Variants in ADGRL1 observed in about 807,000 individuals in gnomAD.
ADGRL1 encodes CIRL-1.
Under a neutral mutation model 148.9 loss-of-function variants are expected in ADGRL1, and 31 were observed. The ratio of observed to expected loss-of-function variants is 0.21; its 90% CI spans 0.16 to 0.28. The LOEUF (loss-of-function observed/expected upper bound fraction) is 0.28. Ranked by LOEUF, ADGRL1 falls within the 10% of genes least tolerant of loss-of-function variation. The pLI, the probability that ADGRL1 is intolerant of heterozygous loss-of-function variation, is 1.00. For missense variants in ADGRL1, 1,521 were observed against 2,058.8 expected (o/e 0.74, Z 5.05); for synonymous variants, 937 against 900.3 (o/e 1.04, Z -0.73).
chr19:14,160,370 G>A lies in ADGRL1; in HGVS notation c.1615-73C>T. The A allele has an allele frequency of 1.4e-6, 2 of 1,387,562 alleles. No homozygotes were observed. Among genetic ancestry groups the A allele is most frequent in the Non-Finnish European group, 2.0e-6 (2 of 1,013,452 alleles). 86.0% of individuals were successfully genotyped at this position (1,387,562 alleles called of 1,614,324 possible). A position where few individuals can be genotyped will look rare whatever the true frequency, so the allele number is the denominator to read the frequency against. On this transcript the variant is annotated intron_variant, in intron 7 of 22. Transcript: ENST00000361434. This position sits in a 1 kb window ranked among gnomAD's most constrained non-coding sequence, Gnocchi z 5.9. ...CCATCCTGCCCTCCCCGGCTTCCCTGGCCTGTGCAGCCTCTCCTATCTCTC... is the reference window on the plus strand; with the variant it reads ...CCATCCTGCCCTCCCCGGCTTCCCTAGCCTGTGCAGCCTCTCCTATCTCTC...
chr19:14,155,543 C>T lies in ADGRL1; in HGVS notation c.3126-16G>A. 1 of 1,612,646 alleles carries T rather than the reference C, an allele frequency of 6.2e-7. No individual in the cohort carries two copies. Among genetic ancestry groups the T allele is most frequent in the South Asian group, 1.1e-5 (1 of 91,048 alleles). The stretch of plus-strand genomic sequence containing the variant: ...CGCCCAGGATCTGGGAGTGGGGCGA[C>T]AGGGGAGTCAAAGTACCCGCCGGAG... On this transcript the variant is annotated splice_polypyrimidine_tract_variant and intron_variant, in intron 17 of 22. Coordinates refer to ENST00000361434, the MANE Select transcript of ADGRL1 (RefSeq NM_014921.5). The surrounding 1 kb of genome is among the most constrained non-coding windows in gnomAD (Gnocchi z 5.0).
In ADGRL1 at chr19:14,160,164, A is replaced by C; in HGVS notation, c.1748T>G (p.Leu583Arg). Residue 583 changes from leucine (L) to arginine (R), a missense_variant, in exon 8 of 23, where the codon CTG becomes CGG. Physicochemically the swap from Leu to Arg is moderately radical, Grantham distance 102. Transcript: ENST00000361434. The surrounding 1 kb of genome is among the most constrained non-coding windows in gnomAD (Gnocchi z 5.9). ...GCGCTCGATGGGCCGCAGGGCCTGC[A>C]GCTGGGCATCCAGGATGTCCAGCAG... is the stretch of plus-strand genomic sequence containing the variant. ...EQLLDILDAQ[L>R]QALRPIERES... 1 of 1,597,172 alleles carries C rather than the reference A, an allele frequency of 6.3e-7. No homozygotes were observed. The highest frequency in any genetic ancestry group is 8.6e-7 in the Non-Finnish European group (1 of 1,166,316).
chr19:14,157,399 G>A lies in ADGRL1; in HGVS notation c.2597C>T (p.Ser866Phe). Reference protein sequence around the residue: ...SVITWVGIVISLVCLAICIST... With the variant: ...SVITWVGIVIFLVCLAICIST... ...GATGCAGATGGCCAAGCAGACCAGG[G>A]AGATCACAATGCCCACCCAGGTGAT... is the stretch of plus-strand genomic sequence containing the variant. The change falls in exon 14 of 23, where the codon TCC (serine) becomes TTC (phenylalanine). Residue 866 changes from serine (S) to phenylalanine (F), a missense_variant. Ser to Phe is a radical substitution (Grantham distance 155). This residue lies in a region of ADGRL1 where 265 missense variants were observed against 431.9 expected (regional missense o/e 0.61). Coordinates refer to ENST00000361434, the MANE Select transcript of ADGRL1 (RefSeq NM_014921.5). This position sits in a 1 kb window ranked among gnomAD's most constrained non-coding sequence, Gnocchi z 7.5. The A allele has an allele frequency of 6.2e-7, 1 of 1,614,220 alleles. No individual in the cohort carries two copies. The highest frequency in any genetic ancestry group is 8.5e-7 in the Non-Finnish European group (1 of 1,180,038).
chr19:14,164,354 G>C (rs945281260), intron 4 of ADGRL1, among the ~76,000 whole-genome samples: 1 of 152,156 alleles, frequency 6.6e-6, no homozygotes, highest in Non-Finnish European at 1.5e-5. Flanking sequence ...AGAGGGAAGA[G>C]AGACAAGGGC....
Position 14,162,150 on chromosome 19 carries a change from C to T in ADGRL1, c.1195+456G>A, listed in dbSNP as rs1026782542. On this transcript the variant is annotated intron_variant, in intron 5 of 22. Coordinates refer to ENST00000361434, the MANE Select transcript of ADGRL1 (RefSeq NM_014921.5). The surrounding 1 kb of genome is among the most constrained non-coding windows in gnomAD (Gnocchi z 5.4). Reference sequence around the variant, plus strand: ...CTGGGGTGGCACAGAGCTAGCAGGGCAGCTAGGCGGGGCAAAAGAAGACTG... The same window carrying T: ...CTGGGGTGGCACAGAGCTAGCAGGGTAGCTAGGCGGGGCAAAAGAAGACTG... 6.6e-6 allele frequency among the ~76,000 whole-genome samples: 1 copy of T among 152,190 alleles called. No individual in the cohort carries two copies. Among genetic ancestry groups the T allele is most frequent in the Non-Finnish European group, 1.5e-5 (1 of 68,022 alleles).
chr19:14,205,356 T>TGCACCCCCTCCTCCTGACAGCG (rs1162454286), intron 1 of ADGRL1, among the ~76,000 whole-genome samples: 1 of 151,816 alleles, frequency 6.6e-6, no homozygotes, highest in East Asian at 2.0e-4. Flanking sequence ...GCTGCCCGGC[T>TGCACCCCCTCCTCCTGACAGCG]GCACCCCCTC....
intron 18 of ADGRL1, among the ~76,000 whole-genome samples, chr19:14,154,521 C>T (rs753211808): frequency 1.3e-5 from 2 of 152,194 alleles, no homozygotes; most frequent in Non-Finnish European, 2.9e-5. Flanking sequence ...AATTTCTGGG[C>T]TTAAGCAATC....
chr19:14,178,307 C>A (rs182582814), intron 2 of ADGRL1, among the ~76,000 whole-genome samples: 1 of 152,122 alleles, frequency 6.6e-6, no homozygotes, highest in East Asian at 2.0e-4. Context: ...GAGTTTGAGA[C>A]CAGCCTGAGC....
chr19:14,161,216 G>A lies in ADGRL1; in HGVS notation c.1510+96C>T, dbSNP rs1969331721. 1 of 1,234,464 alleles carries A rather than the reference G, an allele frequency of 8.1e-7. No individual in the cohort carries two copies. The highest frequency in any genetic ancestry group is 3.2e-5 in the Admixed American group (1 of 31,690). The allele number at this position is 1,234,464 out of a possible 1,614,324, so 76.5% of individuals were successfully genotyped here. Reference sequence around the variant, plus strand: ...TGACCCCTGCCCTCAGAAAACCTCTGCTCCGCAGTAGAGACCCCCACCCAC... The same window carrying A: ...TGACCCCTGCCCTCAGAAAACCTCTACTCCGCAGTAGAGACCCCCACCCAC... On this transcript the variant is annotated intron_variant, in intron 6 of 22. Transcript: ENST00000361434. This position sits in a 1 kb window ranked among gnomAD's most constrained non-coding sequence, Gnocchi z 4.4.
intron 1 of ADGRL1, among the ~76,000 whole-genome samples, chr19:14,199,418 T>G (rs1265228309): frequency 2.7e-5 from 4 of 149,738 alleles, no homozygotes; most frequent in Admixed American, 2.7e-4. Context: ...GGTTTGGGAG[T>G]GTGTGTGTTT....
chr19:14,201,654 A>C (rs1473534526), intron 1 of ADGRL1, among the ~76,000 whole-genome samples: 1 of 152,042 alleles, frequency 6.6e-6, no homozygotes. Flanking sequence ...GTCCTCAAGC[A>C]ATCCTCCCAC....
At chr19:14,170,943 T>C in intron 3 of ADGRL1, 152 bp from the exon 4 acceptor site, 1 of 584,930 alleles carries the variant, frequency 1.7e-6, no homozygotes, top group Non-Finnish European at 3.1e-6. Context: ...TGGATCTGTG[T>C]CCATACCCAA....
intron 1 of ADGRL1, among the ~76,000 whole-genome samples, chr19:14,184,606 TTTTATTTATTTATTTATTTA>T (rs74181775): frequency 1.9e-5 from 2 of 103,996 alleles, no homozygotes; most frequent in Admixed American, 1.9e-4. Flanking sequence ...CTAATTTTTA[TTTTATTTATTTATTTATTTA>T]TTTATTTATT....
At chr19:14,203,821 C>T (rs1361691212) in intron 1 of ADGRL1, among the ~76,000 whole-genome samples, 2 of 59,156 alleles carry the variant, frequency 3.4e-5, no homozygotes, top group Admixed American at 1.5e-4. Context: ...TCACGGGGTA[C>T]GCAAGCGCCC....
In ADGRL1 at chr19:14,157,742, A is replaced by G; in HGVS notation, c.2535+140T>C. On this transcript the variant is annotated intron_variant, in intron 13 of 22. Transcript: ENST00000361434. The surrounding 1 kb of genome is among the most constrained non-coding windows in gnomAD (Gnocchi z 7.5). The stretch of plus-strand genomic sequence containing the variant: ...CATAGAGGACCAGACGCATGGCCTC[A>G]TGCCCCAGGCAAGACCAGGGGCCCC... 1 of 1,010,696 alleles carries G rather than the reference A, an allele frequency of 9.9e-7. No individual in the cohort carries two copies. The highest frequency in any genetic ancestry group is 1.4e-6 in the Non-Finnish European group (1 of 702,970). 62.6% of individuals were successfully genotyped at this position (1,010,696 alleles called of 1,614,324 possible).
At chr19:14,202,750 T>C (rs1972697068) in intron 1 of ADGRL1, among the ~76,000 whole-genome samples, 1 of 152,070 alleles carries the variant, frequency 6.6e-6, no homozygotes, top group South Asian at 2.1e-4. Context: ...GCACAAAAGA[T>C]GCAGACAGCC....
intron 18 of ADGRL1, among the ~76,000 whole-genome samples, 156 bp from the exon 19 acceptor site, chr19:14,153,068 G>A (rs969812696): frequency 6.6e-5 from 10 of 152,190 alleles, no homozygotes; most frequent in African/African-American, 2.4e-4. Flanking sequence ...GGCCACGGAA[G>A]CCTTGATGTC....
At chr19:14,190,933 C>A in intron 1 of ADGRL1, 1 of 369,372 alleles carries the variant, frequency 2.7e-6, no homozygotes, top group South Asian at 2.0e-5. Context: ...ATTAAAAATA[C>A]AAAAATTAGC....
At chr19:14,154,262 A>C (rs150406640) in intron 18 of ADGRL1, among the ~76,000 whole-genome samples, 5 of 152,164 alleles carry the variant, frequency 3.3e-5, no homozygotes, top group African/African-American at 9.7e-5. Flanking sequence ...CAGGATTCTC[A>C]TGATCACTGC....
Sources: gnomAD v4.1 joint callset for allele counts (sites outside exome capture counted in the v4.1 genomes callset) on GRCh38, gnomAD v4.1.1 for gene constraint, gnomAD v4.1.1 regional missense constraint, Gnocchi (gnomAD v3.1) non-coding constraint, MANE v1.5 for transcripts, NCBI Gene and HGNC (gene_info 2026-07-23, HGNC 2026-07-21) for gene names.